Variants in KIF15 observed in about 807,000 individuals in gnomAD.
KIF15 encodes kinesin-like protein KIF15.
KIF15 carries 140 observed loss-of-function variants against 190.6 expected under a neutral mutation model. The observed-to-expected ratio is 0.73, with a 90% confidence interval of 0.64 to 0.84. KIF15 has a LOEUF of 0.84. Ranked by LOEUF, KIF15 falls within the 40% of genes least tolerant of loss-of-function variation. The pLI is 0.00. For missense variants in KIF15, 1,372 were observed against 1,584.4 expected (o/e 0.87, Z 2.28); for synonymous variants, 528 against 551.3 (o/e 0.96, Z 0.59).
At chr3:44,822,327 T>TG (rs1431287607) in intron 20 of KIF15, among the ~76,000 whole-genome samples, 5 of 152,332 alleles carry the variant, frequency 3.3e-5, no homozygotes, top group Non-Finnish European at 5.9e-5. Flanking sequence ...TGTTGAATAT[T>TG]GCCCCCCACT....
intron 7 of KIF15, 79 bp downstream of exon 7, chr3:44,786,653 A>G: frequency 1.7e-6 from 2 of 1,178,138 alleles, no homozygotes; most frequent in Non-Finnish European, 2.4e-6. Context: ...AAAAGTGACA[A>G]TTGAGGTACC....
At chr3:44,845,991 C>T (rs1190269745) in intron 30 of KIF15, among the ~76,000 whole-genome samples, 1 of 152,230 alleles carries the variant, frequency 6.6e-6, no homozygotes. Context: ...AATGGCCCGT[C>T]ATAGCTTGCA....
At chr3:44,774,202 C>G (rs1228083077) in intron 1 of KIF15, among the ~76,000 whole-genome samples, 193 bp from the exon 2 acceptor site, 1 of 152,160 alleles carries the variant, frequency 6.6e-6, no homozygotes, top group Non-Finnish European at 1.5e-5. Flanking sequence ...CACCATGAGA[C>G]TAGGTGTTAC....
Position 44,852,334 on chromosome 3 carries a change from G to A in KIF15, c.4099G>A (p.Ala1367Thr). 1 of 1,606,132 alleles carries A rather than the reference G, an allele frequency of 6.2e-7. No individual in the cohort carries two copies. The highest frequency in any genetic ancestry group is 2.2e-5 in the East Asian group (1 of 44,752). Residue 1367 changes from alanine (A) to threonine (T), a missense_variant, in exon 34 of 35, where the codon GCT (alanine) becomes ACT (threonine). Transcript: ENST00000326047. ...VRLKKENVRL[A>T]EETEKLRAEN... The stretch of plus-strand genomic sequence containing the variant: ...ACTAAAGAAGGAAAATGTCAGGCTT[G>A]CTGAGGTAAACCTAAAAATTATTCT...
rs1307877411 is a variant in KIF15, at chr3:44,838,305, G to A, written c.3202G>A (p.Ala1068Thr). The change falls in exon 27 of 35, where the codon GCC (alanine) becomes ACC (threonine). Residue 1068 changes from alanine (A) to threonine (T), a missense_variant. Coordinates refer to ENST00000326047, the MANE Select transcript of KIF15 (RefSeq NM_020242.3). ...TATGCTCTGTGAGGACCTGGCTCAT[G>A]CCACTGAGCAGCTGAACATGCTCAC... Reference protein sequence around the residue: ...RDMLCEDLAHATEQLNMLTEA... With the variant: ...RDMLCEDLAHTTEQLNMLTEA... The A allele has an allele frequency of 1.9e-6, 3 of 1,613,590 alleles. No homozygotes were observed. Among genetic ancestry groups the A allele is most frequent in the African/African-American group, 2.7e-5 (2 of 75,012 alleles).
downstream of KIF15, among the ~76,000 whole-genome samples, chr3:44,857,004 A>G (rs553052146): frequency 2.0e-5 from 3 of 152,350 alleles, no homozygotes; most frequent in African/African-American, 7.2e-5. Flanking sequence ...ATACTACAGC[A>G]TAGCCTGTTT....
intron 1 of KIF15, among the ~76,000 whole-genome samples, chr3:44,766,439 C>A (rs1476786829): frequency 6.6e-6 from 1 of 152,176 alleles, no homozygotes; most frequent in East Asian, 1.9e-4. Context: ...TCTTAGCATG[C>A]AGTTGCAAGA....
At chr3:44,834,938 A>C (rs1029874468) in intron 26 of KIF15, among the ~76,000 whole-genome samples, 1 of 150,658 alleles carries the variant, frequency 6.6e-6, no homozygotes, top group Non-Finnish European at 1.5e-5. Flanking sequence ...ATCTCAAAAA[A>C]TAATAATAAA....
chr3:44,827,456 C>T lies in KIF15; in HGVS notation c.2787-3C>T, dbSNP rs559096980. Reference sequence around the variant, plus strand: ...GGGGTAAAAGATAATTATTCTCTTCCAGAGAAATCTTAAAAGTTCTTGAGG... The same window carrying T: ...GGGGTAAAAGATAATTATTCTCTTCTAGAGAAATCTTAAAAGTTCTTGAGG... On this transcript the variant is annotated splice_region_variant and splice_polypyrimidine_tract_variant and intron_variant, in intron 22 of 34. Transcript: ENST00000326047. 3.7e-6 allele frequency: 6 copies of T among 1,600,820 alleles called. No individual in the cohort carries two copies. In the East Asian group the frequency reaches 8.9e-5, roughly 24 times the overall value.
chr3:44,864,414 C>G (rs1461250580), intron 6 of KIF15: 7 of 1,589,816 alleles, frequency 4.4e-6, no homozygotes, highest in Non-Finnish European at 6.0e-6. Context: ...TGGATAACCC[C>G]TCCTTTCCCA....
intron 1 of KIF15, among the ~76,000 whole-genome samples, chr3:44,763,267 T>C (rs1399532869): frequency 6.6e-6 from 1 of 152,228 alleles, no homozygotes; most frequent in African/African-American, 2.4e-5. Flanking sequence ...CAGTGGTCTT[T>C]GCAACTTTTA....
chr3:44,775,111 A>AT, intron 2 of KIF15, 143 bp from the exon 3 acceptor site: 1 of 638,460 alleles, frequency 1.6e-6, no homozygotes, highest in Non-Finnish European at 2.7e-6. Context: ...AAAAAAAAAA[A>AT]GAGGTAAATT....
chr3:44,835,348 T>C (rs1698259668), intron 26 of KIF15, among the ~76,000 whole-genome samples: 1 of 152,144 alleles, frequency 6.6e-6, no homozygotes. Context: ...TAAGTGATCC[T>C]GCCACCTCAG....
At chr3:44,812,967 A>G in intron 18 of KIF15, 108 bp from the exon 19 acceptor site, 1 of 622,198 alleles carries the variant, frequency 1.6e-6, no homozygotes, top group Non-Finnish European at 2.6e-6. Flanking sequence ...CCTGGGTGAC[A>G]GAGCAAGACT....
intron 29 of KIF15, among the ~76,000 whole-genome samples, chr3:44,841,816 C>T (rs966692899): frequency 1.8e-4 from 27 of 152,208 alleles, no homozygotes; most frequent in Non-Finnish European, 3.8e-4. Context: ...TACTAATCCA[C>T]CTACTTTGCT....
intron 6 of KIF15, chr3:44,862,077 C>T (rs759158512): frequency 4.6e-5 from 59 of 1,286,638 alleles, no homozygotes; most frequent in Non-Finnish European, 5.7e-5. Flanking sequence ...CGTTCGGGGC[C>T]CTGGCCGCCG....
intron 7 of KIF15, 99 bp from the exon 8 acceptor site, chr3:44,794,118 T>G (rs1706855148): frequency 2.2e-6 from 2 of 912,934 alleles, no homozygotes; most frequent in South Asian, 3.2e-5. Flanking sequence ...TATCCACAAG[T>G]GATCCTCCAG....
At chr3:44,810,799 C>T in intron 16 of KIF15, 47 bp from the exon 17 acceptor site, 5 of 1,437,780 alleles carry the variant, frequency 3.5e-6, no homozygotes, top group South Asian at 1.3e-5. Context: ...TAAATATGCC[C>T]TTTTTAAATA....
At chr3:44,862,720 T>TAC (rs1303962687) in intron 6 of KIF15, 1 of 151,966 alleles carries the variant, frequency 6.6e-6, no homozygotes, top group African/African-American at 2.4e-5. Flanking sequence ...TGCTAAGGTG[T>TAC]ATCTCTGCCT....
Sources: gnomAD v4.1 joint callset for allele counts (sites outside exome capture counted in the v4.1 genomes callset) on GRCh38, gnomAD v4.1.1 for gene constraint, MANE v1.5 for transcripts, NCBI Gene and HGNC (gene_info 2026-07-23, HGNC 2026-07-21) for gene names.